ADAMTS17: variants seen among roughly 807,000 people sequenced by gnomAD.
ADAMTS17 encodes ADAM metallopeptidase with thrombospondin type 1 motif 17, also known as A disintegrin and metalloproteinase with thrombospondin motifs 17.
In ADAMTS17, 113 loss-of-function variants were observed where a neutral mutation model predicts 141.5. The observed-to-expected ratio is 0.80, with a 90% confidence interval of 0.69 to 0.93. The LOEUF (loss-of-function observed/expected upper bound fraction) is 0.93. Ranked by LOEUF, ADAMTS17 falls within the 40% of genes least tolerant of loss-of-function variation. The pLI, the probability that ADAMTS17 is intolerant of heterozygous loss-of-function variation, is 0.00. For synonymous variants in ADAMTS17, 768 were observed against 630.6 expected, an observed-to-expected ratio of 1.22 and a Z score of -3.27; for missense variants, 1,659 against 1,517.9, an observed-to-expected ratio of 1.09 and a Z score of -1.54.
rs1313453872 is a variant in ADAMTS17 at position 99,993,105 on chromosome 15, C to CT, written c.2891dup (p.Glu965GlyfsTer174). On this transcript the variant is annotated frameshift_variant, in exon 20 of 22. Coordinates refer to ENST00000268070, the MANE Select transcript of ADAMTS17 (RefSeq NM_139057.4). LOFTEE classifies it high-confidence loss of function. This position sits in a 1 kb window ranked among gnomAD's most constrained non-coding sequence, Gnocchi z 4.3. ...AGCCTGAGTAGTCCTCGCAGGCCTC[C>CT]TCGGCTCTCGGCCTCGTGGATGCGT... is the stretch of plus-strand genomic sequence containing the variant. 1.2e-6 allele frequency: 2 copies of CT among 1,614,050 alleles called. No individual in the cohort carries two copies. The highest frequency in any genetic ancestry group is 2.7e-5 in the African/African-American group (2 of 74,936).
intron 10 of ADAMTS17, among the ~76,000 whole-genome samples, chr15:100,136,794 C>G (rs978021753): frequency 6.6e-6 from 1 of 152,194 alleles, no homozygotes; most frequent in African/African-American, 2.4e-5. Context: ...CAAAGCAAAG[C>G]CCCAAGAAAA....
At chr15:100,126,884 C>G (rs961503852) in intron 12 of ADAMTS17, among the ~76,000 whole-genome samples, 1 of 152,092 alleles carries the variant, frequency 6.6e-6, no homozygotes, top group African/African-American at 2.4e-5. Context: ...AGGACACAGT[C>G]AAAACAAGTG....
At chr15:100,323,791 G>T (rs1411315473) in intron 3 of ADAMTS17, among the ~76,000 whole-genome samples, 1 of 152,130 alleles carries the variant, frequency 6.6e-6, no homozygotes, top group Non-Finnish European at 1.5e-5. Flanking sequence ...AGTGATAAAT[G>T]CAAGCTGCAC....
chr15:100,049,521 C>T (rs1392868067), intron 17 of ADAMTS17, among the ~76,000 whole-genome samples: 3 of 152,212 alleles, frequency 2.0e-5, no homozygotes, highest in Non-Finnish European at 4.4e-5. Context: ...TCTAGCCAGC[C>T]AGCTGGTACT....
chr15:100,076,057 T>G (rs2034351547), intron 15 of ADAMTS17, among the ~76,000 whole-genome samples: 1 of 152,150 alleles, frequency 6.6e-6, no homozygotes, highest in Non-Finnish European at 1.5e-5. Context: ...TTTTTTTTGT[T>G]TTCGAGATGG....
chr15:100,184,753 G>A (rs2040645747), intron 8 of ADAMTS17, among the ~76,000 whole-genome samples: 1 of 152,120 alleles, frequency 6.6e-6, no homozygotes, highest in Non-Finnish European at 1.5e-5. Context: ...CGTCCATCAT[G>A]CTGCTGTGGC....
Position 100,164,574 on chromosome 15 carries a change from G to T in ADAMTS17, c.1182-9254C>A, listed in dbSNP as rs78233554. 0.017 allele frequency among the ~76,000 whole-genome samples: 2,602 copies of T among 152,298 alleles called. 125 individuals carry two copies. In the East Asian group the frequency reaches 0.17, roughly 10 times the overall value. On this transcript the variant is annotated intron_variant, in intron 8 of 21. Coordinates refer to ENST00000268070, the MANE Select transcript of ADAMTS17 (RefSeq NM_139057.4). ...AGTGGAGAAGAATGGCCTTGCTTCT[G>T]CTAAGCACACACATTCGCTTGAGCA...
intron 4 of ADAMTS17, among the ~76,000 whole-genome samples, chr15:100,280,820 C>G (rs546932835): frequency 1.8e-5 from 2 of 109,414 alleles, no homozygotes; most frequent in South Asian, 7.8e-4. Flanking sequence ...ACTAGGCAGC[C>G]TCTCTAAGTC....
intron 15 of ADAMTS17, among the ~76,000 whole-genome samples, chr15:100,072,536 A>ACTGTT (rs2034053602): frequency 6.6e-6 from 1 of 152,152 alleles, no homozygotes; most frequent in Admixed American, 6.5e-5. Context: ...CCAAAACAGC[A>ACTGTT]TGGTACTGGT....
intron 15 of ADAMTS17, among the ~76,000 whole-genome samples, chr15:100,055,987 C>G (rs1352625421): frequency 6.6e-6 from 1 of 152,196 alleles, no homozygotes; most frequent in Non-Finnish European, 1.5e-5. Context: ...TGACAACTTT[C>G]AATTCCCATT....
At position 100,028,868 on chromosome 15, in the gene ADAMTS17, G is replaced by T. The variant is rs547831885; in HGVS notation, c.2591+19989C>A. 1.1e-4 allele frequency among the ~76,000 whole-genome samples: 17 copies of T among 152,328 alleles called. No individual in the cohort carries two copies. In the South Asian group the frequency reaches 3.3e-3, roughly 30 times the overall value. ...CTTTTTGAAAAGCAGCAGTGAACCT[G>T]CACTTTGCCTTTTGTCACTTTTAGC... On this transcript the variant is annotated intron_variant, in intron 18 of 21. Coordinates refer to ENST00000268070, the MANE Select transcript of ADAMTS17 (RefSeq NM_139057.4).
In ADAMTS17 at chr15:99,974,320, C is replaced by G. The variant is rs3825894; in HGVS notation, c.*82G>C. Reference sequence around the variant, plus strand: ...GATTCTTGTGGCAGCCGGGTGGGGGCGTGGCCACAAGGCTGGTAGGCTTGC... The same window carrying G: ...GATTCTTGTGGCAGCCGGGTGGGGGGGTGGCCACAAGGCTGGTAGGCTTGC... On this transcript the variant is annotated 3_prime_UTR_variant, in exon 22 of 22. Coordinates refer to ENST00000268070, the MANE Select transcript of ADAMTS17 (RefSeq NM_139057.4). The G allele has an allele frequency of 7.0e-6, 11 of 1,581,560 alleles. No individual in the cohort carries two copies. The highest frequency in any genetic ancestry group is 2.2e-5 in the East Asian group (1 of 44,682).
chr15:100,165,578 C>G lies in ADAMTS17; in HGVS notation c.1182-10258G>C, dbSNP rs1283071581. The stretch of plus-strand genomic sequence containing the variant: ...CCAATGCAGGCAAACGGCCTTATGA[C>G]TTGAATAGACTCTGAGTTAAAGATT... On this transcript the variant is annotated intron_variant, in intron 8 of 21. Transcript: ENST00000268070. 2.6e-5 allele frequency among the ~76,000 whole-genome samples: 4 copies of G among 152,168 alleles called. No individual in the cohort carries two copies. In the East Asian group the frequency reaches 7.7e-4, roughly 29 times the overall value.
intron 15 of ADAMTS17, among the ~76,000 whole-genome samples, chr15:100,068,925 T>G (rs566222627): frequency 6.6e-6 from 1 of 152,256 alleles, no homozygotes; most frequent in African/African-American, 2.4e-5. Flanking sequence ...GAAGAAGGCT[T>G]CAGATGATCA....
chr15:100,029,954 C>G (rs1258731403), intron 18 of ADAMTS17, among the ~76,000 whole-genome samples: 2 of 152,268 alleles, frequency 1.3e-5, no homozygotes, highest in East Asian at 1.9e-4. Flanking sequence ...GGAGTGGGGC[C>G]CAGCACTCTG....
chr15:100,081,996 C>T (rs538672450), intron 15 of ADAMTS17, among the ~76,000 whole-genome samples: 1 of 152,320 alleles, frequency 6.6e-6, no homozygotes, highest in Admixed American at 6.5e-5. Flanking sequence ...AGACTCTTTA[C>T]TTACTAGACA....
chr15:100,124,510 G>C (rs1596494277), intron 12 of ADAMTS17, among the ~76,000 whole-genome samples: 1 of 152,182 alleles, frequency 6.6e-6, no homozygotes, highest in South Asian at 2.1e-4. Context: ...CAAGTAGAAA[G>C]CCACCCCAGC....
At chr15:100,294,362 C>T (rs1297719692) in intron 3 of ADAMTS17, among the ~76,000 whole-genome samples, 1 of 152,148 alleles carries the variant, frequency 6.6e-6, no homozygotes, top group African/African-American at 2.4e-5. Context: ...GTATTTCCTA[C>T]TCTGCAGGAG....
chr15:100,264,260 G>A (rs966811818), intron 4 of ADAMTS17, among the ~76,000 whole-genome samples: 1 of 152,158 alleles, frequency 6.6e-6, no homozygotes, highest in African/African-American at 2.4e-5. Context: ...GGGGGAGGAG[G>A]GGGGAGGCAC....
Sources: gnomAD v4.1 joint callset for allele counts (sites outside exome capture counted in the v4.1 genomes callset) on GRCh38, gnomAD v4.1.1 for gene constraint, Gnocchi (gnomAD v3.1) non-coding constraint, MANE v1.5 for transcripts, NCBI Gene and HGNC (gene_info 2026-07-23, HGNC 2026-07-21) for gene names.